SGK1: variants seen among roughly 807,000 people sequenced by gnomAD.
The protein encoded by SGK1 is serum/glucocorticoid regulated kinase 1, also known as serine/threonine-protein kinase Sgk1.
Under a neutral mutation model 64.2 loss-of-function variants are expected in SGK1, and 26 were observed. That is an observed-to-expected ratio of 0.40 (90% confidence interval 0.30 to 0.56). The LOEUF (loss-of-function observed/expected upper bound fraction) is 0.56. SGK1 is among the 20% of genes least tolerant of loss of function. SGK1 has a pLI of 0.38. For missense variants in SGK1, 519 were observed against 645.6 expected, an observed-to-expected ratio of 0.80 and a Z score of 2.12; for synonymous variants, 265 against 239.7, an observed-to-expected ratio of 1.11 and a Z score of -0.98.
rs368452451 is a variant in SGK1, at chr6:134,173,374, A to G, written c.619-17T>C. On this transcript the variant is annotated splice_polypyrimidine_tract_variant and intron_variant, in intron 6 of 13. Coordinates refer to ENST00000367858, the MANE Select transcript of SGK1 (RefSeq NM_001143676.3). Reference sequence around the variant, plus strand: ...TAGAAGAACCTGAAATTTCAATTTAAAAAAATCATTTTTCTATCCTCATCC... The same window carrying G: ...TAGAAGAACCTGAAATTTCAATTTAGAAAAATCATTTTTCTATCCTCATCC... 2 of 1,606,930 alleles carry G rather than the reference A, an allele frequency of 1.2e-6. No homozygotes were observed. Among genetic ancestry groups the G allele is most frequent in the South Asian group, 1.1e-5 (1 of 90,666 alleles).
intron 2 of SGK1, among the ~76,000 whole-genome samples, chr6:134,228,136 G>A (rs1226675488): frequency 6.6e-6 from 1 of 151,506 alleles, no homozygotes; most frequent in Non-Finnish European, 1.5e-5. Context: ...TTGTATTTTT[G>A]TAGAGATGGG....
At chr6:134,203,528 T>C (rs1238903232) in intron 3 of SGK1, among the ~76,000 whole-genome samples, 3 of 152,168 alleles carry the variant, frequency 2.0e-5, no homozygotes, top group African/African-American at 4.8e-5. Context: ...GATCATTAGA[T>C]AGGATTTTAA....
chr6:134,198,538 C>G (rs1775630281), intron 3 of SGK1, among the ~76,000 whole-genome samples: 1 of 152,002 alleles, frequency 6.6e-6, no homozygotes, highest in Non-Finnish European at 1.5e-5. Flanking sequence ...AGTCCTTCCT[C>G]TGCTTGTATT....
At chr6:134,231,304 CACATATATTAAATAAT>C (rs770114224) in intron 2 of SGK1, among the ~76,000 whole-genome samples, 218 of 152,256 alleles carry the variant, frequency 1.4e-3, no homozygotes, top group Middle Eastern at 3.4e-3. Context: ...ATGCTTTGTC[CACATATATTAAATAAT>C]ACATATATTT....
Position 134,170,985 on chromosome 6 carries a change from TCCCGG to T in SGK1, c.1323+33_1323+37del, listed in dbSNP as rs143238056. 1.4e-3 allele frequency: 2,237 copies of T among 1,613,540 alleles called. 40 individuals carry two copies. The African/African-American group carries it at 0.027, about 19-fold the overall frequency. On this transcript the variant is annotated intron_variant, in intron 12 of 13. Coordinates refer to ENST00000367858, the MANE Select transcript of SGK1 (RefSeq NM_001143676.3). ...TAAGGGCAGGGAGGTCTAGTGCACG[TCCCGG>T]CCGGCCCAGGAGGACAGGAAAACAT...
chr6:134,215,971 G>A (rs1025605368), intron 2 of SGK1, among the ~76,000 whole-genome samples: 7 of 152,254 alleles, frequency 4.6e-5, no homozygotes, highest in Admixed American at 2.0e-4. Context: ...AGTTGAGATC[G>A]CGCCACTGCA....
At chr6:134,172,144 C>G (rs1281760363) in intron 10 of SGK1, 49 bp downstream of exon 10, 38 of 1,603,862 alleles carry the variant, frequency 2.4e-5, no homozygotes, top group East Asian at 8.9e-5. Context: ...GTACATCTCT[C>G]TCTTGGAAGG....
Position 134,249,797 on chromosome 6 carries a change from G to A in SGK1, c.285+12136C>T, listed in dbSNP as rs573706507. Among the ~76,000 whole-genome samples, 132 of 152,320 alleles carry A rather than the reference G, an allele frequency of 8.7e-4. 1 individual carries two copies. The highest frequency in any genetic ancestry group is 3.0e-3 in the African/African-American group (126 of 41,574). ...TAGGTGGTCACTACCTGAAAGGTCTGCTTTCATGCTGGTGTCAGATTTGCT... is the reference window on the plus strand; with the variant it reads ...TAGGTGGTCACTACCTGAAAGGTCTACTTTCATGCTGGTGTCAGATTTGCT... On this transcript the variant is annotated intron_variant, in intron 2 of 13. Transcript: ENST00000367858.
chr6:134,177,329 C>A (rs1289927256), intron 3 of SGK1, among the ~76,000 whole-genome samples: 1 of 152,234 alleles, frequency 6.6e-6, no homozygotes, highest in East Asian at 1.9e-4. Context: ...CAGTAACTGG[C>A]CCATGTCTGC....
At chr6:134,252,891 C>T (rs1391342450) in intron 2 of SGK1, among the ~76,000 whole-genome samples, 4 of 151,994 alleles carry the variant, frequency 2.6e-5, no homozygotes, top group African/African-American at 9.7e-5. Flanking sequence ...TTTTAATCCC[C>T]ATAAGCCTAT....
intron 3 of SGK1, among the ~76,000 whole-genome samples, chr6:134,199,377 G>C (rs976192357): frequency 6.6e-6 from 1 of 151,968 alleles, no homozygotes; most frequent in Non-Finnish European, 1.5e-5. Context: ...TGGCCAACAT[G>C]GTGAAACCGG....
At chr6:134,288,292 C>T (rs965322010) in intron 1 of SGK1, among the ~76,000 whole-genome samples, 3 of 152,166 alleles carry the variant, frequency 2.0e-5, no homozygotes, top group African/African-American at 7.2e-5. Context: ...GAATGTAAAA[C>T]ATTCAGAGAG....
In SGK1 at chr6:134,248,445, C is replaced by CTT. The variant is rs34315643; in HGVS notation, c.285+13486_285+13487dup. On this transcript the variant is annotated intron_variant, in intron 2 of 13. Coordinates refer to ENST00000367858, the MANE Select transcript of SGK1 (RefSeq NM_001143676.3). ...CTTAGAAACACCTGCTCTCCTCCGC[C>CTT]TTTTTTTTTTTTTTTTTTTTTTTTT... is the stretch of plus-strand genomic sequence containing the variant. Among the ~76,000 whole-genome samples, 72 of 103,018 alleles carry CTT rather than the reference C, an allele frequency of 7.0e-4. 1 individual carries two copies. Among genetic ancestry groups the CTT allele is most frequent in the Admixed American group, 8.0e-4 (7 of 8,704 alleles). The allele number at this position is 103,018 out of a possible 152,430, so 67.6% of individuals were successfully genotyped here.
At position 134,283,447 on chromosome 6, in the gene SGK1, C is replaced by T. The variant is rs148111333; in HGVS notation, c.70-21299G>A. 1.8e-3 allele frequency among the ~76,000 whole-genome samples: 277 copies of T among 151,736 alleles called. 2 individuals carry two copies. Among genetic ancestry groups the T allele is most frequent in the African/African-American group, 5.9e-3 (245 of 41,342 alleles). On this transcript the variant is annotated intron_variant, in intron 1 of 13. Transcript: ENST00000367858. The stretch of plus-strand genomic sequence containing the variant: ...TGGAGGTTGCAGTGAGCGAAGATCA[C>T]GCCACTGGACTGCAGCCTCAGTGGC...
At chr6:134,171,279 G>C in intron 11 of SGK1, 101 bp from the exon 12 acceptor site, 3 of 1,127,418 alleles carry the variant, frequency 2.7e-6, no homozygotes, top group Non-Finnish European at 3.9e-6. Flanking sequence ...TATTAGGCTC[G>C]ATTTGAGAAA....
At chr6:134,248,864 CTTTCT>C (rs1431631245) in intron 2 of SGK1, among the ~76,000 whole-genome samples, 1 of 152,134 alleles carries the variant, frequency 6.6e-6, no homozygotes, top group African/African-American at 2.4e-5. Flanking sequence ...CTTCCTCTCC[CTTTCT>C]TTTTATCCCC....
chr6:134,286,478 ATT>A (rs1267281237), intron 1 of SGK1, among the ~76,000 whole-genome samples: 8,358 of 128,266 alleles, frequency 0.065, 245 homozygotes, highest in Non-Finnish European at 0.09. Context: ...AAAATACAAT[ATT>A]TTTTTTTTTT....
At chr6:134,307,929 C>T (rs1000703113) in intron 1 of SGK1, among the ~76,000 whole-genome samples, 3 of 152,172 alleles carry the variant, frequency 2.0e-5, no homozygotes, top group African/African-American at 4.8e-5. Flanking sequence ...TATTATTGAG[C>T]GTCTACTACA....
rs190364620 is a variant in SGK1 at position 134,208,178 on chromosome 6, C to T, written c.286-747G>A. Among the ~76,000 whole-genome samples the T allele has an allele frequency of 1.8e-3, 276 of 152,252 alleles. 2 individuals are homozygous for T. Among genetic ancestry groups the T allele is most frequent in the Middle Eastern group, 0.017 (5 of 294 alleles). On this transcript the variant is annotated intron_variant, in intron 2 of 13. Transcript: ENST00000367858. ...CCGCCCACCTCGGCCTCTCAAAGTG[C>T]TGGGATTATAAGCGTGAACCACCGC...
Sources: gnomAD v4.1 joint callset for allele counts (sites outside exome capture counted in the v4.1 genomes callset) on GRCh38, gnomAD v4.1.1 for gene constraint, MANE v1.5 for transcripts, NCBI Gene and HGNC (gene_info 2026-07-23, HGNC 2026-07-21) for gene names.